UST: variants seen among roughly 807,000 people sequenced by gnomAD.
UST encodes the protein chondroitin sulfate 2-O-sulfotransferase.
UST carries 21 observed loss-of-function variants against 45.6 expected under a neutral mutation model. The ratio of observed to expected loss-of-function variants is 0.46; its 90% CI spans 0.33 to 0.66. The LOEUF is 0.66. UST is among the 30% of genes least tolerant of loss of function. The probability of loss-of-function intolerance (pLI) is 0.02; values close to 1 mark genes in which losing one functional copy is unlikely to be tolerated. For synonymous variants in UST, 215 were observed against 200.6 expected (o/e 1.07, Z -0.61); for missense variants, 463 against 512.4 (o/e 0.90, Z 0.93).
chr6:149,029,322 A>G (rs1776100307), intron 7 of UST, among the ~76,000 whole-genome samples: 1 of 147,956 alleles, frequency 6.8e-6, no homozygotes, highest in Non-Finnish European at 1.5e-5. Flanking sequence ...TATGTAATAT[A>G]TAATGTATAT....
intron 1 of UST, among the ~76,000 whole-genome samples, chr6:148,749,650 C>T (rs755004489): frequency 1.3e-5 from 2 of 152,126 alleles, no homozygotes; most frequent in African/African-American, 2.4e-5. Flanking sequence ...AGCAAAGGTA[C>T]TACTGAGGAT....
chr6:148,842,958 G>T (rs1181191010), intron 1 of UST, among the ~76,000 whole-genome samples: 1 of 152,108 alleles, frequency 6.6e-6, no homozygotes, highest in Non-Finnish European at 1.5e-5. Flanking sequence ...TAAAGAACAC[G>T]CCTATGTAAT....
At chr6:148,816,051 G>A (rs1212429960) in intron 1 of UST, among the ~76,000 whole-genome samples, 3 of 152,102 alleles carry the variant, frequency 2.0e-5, no homozygotes, top group South Asian at 2.1e-4. Context: ...TGACCTACAC[G>A]GCACCCACAT....
intron 4 of UST, among the ~76,000 whole-genome samples, chr6:148,956,559 G>A (rs1457676867): frequency 1.3e-5 from 2 of 152,148 alleles, no homozygotes; most frequent in Non-Finnish European, 2.9e-5. Context: ...TAAGATTTGG[G>A]TGGGGACACG....
At chr6:148,972,919 G>C (rs927634721) in intron 5 of UST, among the ~76,000 whole-genome samples, 1 of 151,876 alleles carries the variant, frequency 6.6e-6, no homozygotes, top group South Asian at 2.1e-4. Flanking sequence ...TGAGGCCAAT[G>C]TGTAGCTGAG....
At chr6:148,910,134 CTTTTTTTTTTT>C (rs148286486) in intron 2 of UST, among the ~76,000 whole-genome samples, 1 of 103,446 alleles carries the variant, frequency 9.7e-6, no homozygotes, top group African/African-American at 3.9e-5. Context: ...GCCTGGGATG[CTTTTTTTTTTT>C]TTTTTTTTTT....
intron 7 of UST, among the ~76,000 whole-genome samples, chr6:149,066,629 A>G (rs1159241513): frequency 6.6e-6 from 1 of 152,166 alleles, no homozygotes; most frequent in Non-Finnish European, 1.5e-5. Context: ...GGGATTAAGA[A>G]GAGTAAGGAA....
intron 5 of UST, among the ~76,000 whole-genome samples, chr6:149,000,275 A>T (rs1781523096): frequency 6.6e-6 from 1 of 152,212 alleles, no homozygotes; most frequent in African/African-American, 2.4e-5. Context: ...AAAACCACAA[A>T]CTCACAAGTA....
intron 2 of UST, among the ~76,000 whole-genome samples, chr6:148,911,187 A>G (rs548109980): frequency 6.4e-4 from 97 of 152,264 alleles, no homozygotes; most frequent in Non-Finnish European, 1.1e-3. Flanking sequence ...GAATTGCCCC[A>G]GGATCGTGTG....
intron 3 of UST, among the ~76,000 whole-genome samples, chr6:148,941,980 C>T (rs1038274351): frequency 6.6e-6 from 1 of 152,136 alleles, no homozygotes; most frequent in Admixed American, 6.5e-5. Context: ...TGTAGCTGAG[C>T]TGTACAAGTG....
intron 4 of UST, among the ~76,000 whole-genome samples, chr6:148,959,488 T>C (rs1409706887): frequency 6.6e-6 from 1 of 152,216 alleles, no homozygotes; most frequent in African/African-American, 2.4e-5. Flanking sequence ...CTCTGGGTTT[T>C]GCCTTTGTGA....
chr6:148,953,949 A>G lies in UST; in HGVS notation c.525A>G (p.Ser175=). The part of the protein sequence containing the change: ...FTRHVHFLNF[S]RFGGDQPVYI... ...GACATGTTCATTTCCTCAACTTCTC[A>G]AGGTAAGACATTTTCCAGTTTAATG... The change falls in exon 4 of 8, where the codon TCA becomes TCG. Residue 175 remains serine, a splice_region_variant and synonymous_variant. Transcript: ENST00000367463. 1 of 1,600,764 alleles carries G rather than the reference A, an allele frequency of 6.2e-7. No homozygotes were observed.
intron 5 of UST, among the ~76,000 whole-genome samples, chr6:149,012,400 T>C (rs1454786674): frequency 4.6e-5 from 7 of 152,204 alleles, no homozygotes. Context: ...ATTTAACCCA[T>C]TAAACTTGTA....
chr6:148,747,957 C>T (rs1301448358), intron 1 of UST, among the ~76,000 whole-genome samples: 1 of 152,212 alleles, frequency 6.6e-6, no homozygotes, highest in Non-Finnish European at 1.5e-5. Context: ...CCACCTCCGC[C>T]ACCCGGATCC....
chr6:148,893,674 G>A (rs1351698), intron 2 of UST, among the ~76,000 whole-genome samples: 32,564 of 152,090 alleles, frequency 0.21, 4,227 homozygotes, highest in African/African-American at 0.35. Context: ...TATGCCCTCC[G>A]GGAGTTTAGT....
intron 1 of UST, among the ~76,000 whole-genome samples, chr6:148,779,597 G>A (rs532837369): frequency 4.6e-5 from 7 of 152,176 alleles, no homozygotes; most frequent in African/African-American, 9.7e-5. Context: ...ACGGGATGTC[G>A]TAAGGACAAA....
chr6:148,872,858 T>C (rs1259237149), intron 1 of UST, among the ~76,000 whole-genome samples: 2 of 152,238 alleles, frequency 1.3e-5, no homozygotes, highest in Non-Finnish European at 2.9e-5. Context: ...TGCCTGGCTC[T>C]GACAAGGACA....
In UST at chr6:148,747,468, A is replaced by G. The variant is rs1775888038; in HGVS notation, c.38A>G (p.Asp13Gly). ...CAGCAGCATCCCGGCGGCGGCGCGG[A>G]TCCCTGGCCCCATGGGGCCCCTATG... ...KKQQHPGGGA[D>G]PWPHGAPMGG... The change falls in exon 1 of 8, where the codon GAT (aspartate) becomes GGT (glycine). Residue 13 changes from aspartate to glycine, a missense_variant. Asp to Gly is a moderately conservative substitution (Grantham distance 94). Around this residue, in one of 2 missense-constraint regions of UST, gnomAD observed 176 missense variants for 138.3 expected, o/e 1.27. Transcript: ENST00000367463. 6.9e-7 allele frequency: 1 copy of G among 1,441,512 alleles called. No individual in the cohort carries two copies. The highest frequency in any genetic ancestry group is 9.1e-7 in the Non-Finnish European group (1 of 1,095,316). 89.3% of individuals were successfully genotyped at this position (1,441,512 alleles called of 1,614,324 possible).
intron 2 of UST, among the ~76,000 whole-genome samples, chr6:148,912,028 C>G (rs749863363): frequency 6.6e-6 from 1 of 152,134 alleles, no homozygotes; most frequent in Non-Finnish European, 1.5e-5. Context: ...GAAACCCTGT[C>G]TCTACTAAAA....
Sources: gnomAD v4.1 joint callset for allele counts (sites outside exome capture counted in the v4.1 genomes callset) on GRCh38, gnomAD v4.1.1 for gene constraint, gnomAD v4.1.1 regional missense constraint, MANE v1.5 for transcripts, NCBI Gene and HGNC (gene_info 2026-07-23, HGNC 2026-07-21) for gene names.